KDM7A: variants seen among roughly 807,000 people sequenced by gnomAD.
KDM7A encodes the protein lysine demethylase 7A, also known as lysine-specific demethylase 7A.
KDM7A carries 28 observed loss-of-function variants against 114.8 expected under a neutral mutation model. The observed-to-expected ratio is 0.24, with a 90% CI of 0.18 to 0.33. KDM7A has a LOEUF of 0.33. Among genes scored for constraint, KDM7A ranks in the 10% least tolerant of loss-of-function variants. KDM7A has a pLI of 1.00. For synonymous variants in KDM7A, 423 were observed against 397.8 expected, an observed-to-expected ratio of 1.06 and a Z score of -0.75; for missense variants, 942 against 1,142.5, an observed-to-expected ratio of 0.82 and a Z score of 2.53.
intron 9 of KDM7A, among the ~76,000 whole-genome samples, chr7:140,117,593 C>T (rs549051090): frequency 3.3e-5 from 5 of 152,270 alleles, no homozygotes; most frequent in Admixed American, 1.3e-4. Flanking sequence ...AGTTGTCAAT[C>T]TCTTAACCAG....
intron 1 of KDM7A, among the ~76,000 whole-genome samples, chr7:140,166,729 A>C (rs1794580354): frequency 6.6e-6 from 1 of 152,148 alleles, no homozygotes; most frequent in African/African-American, 2.4e-5. Context: ...ATCAGGAACA[A>C]AGCAAGCATA....
intron 9 of KDM7A, among the ~76,000 whole-genome samples, chr7:140,118,863 T>C (rs1463832143): frequency 6.6e-6 from 1 of 152,220 alleles, no homozygotes; most frequent in Non-Finnish European, 1.5e-5. Context: ...ACATTTCTAA[T>C]ATTACCTACG....
At chr7:140,097,788 A>T in intron 14 of KDM7A, 146 bp from the exon 15 acceptor site, 1 of 544,468 alleles carries the variant, frequency 1.8e-6, no homozygotes, top group Admixed American at 3.4e-5. Context: ...TATTTTCTTC[A>T]TTTCTTTCTC....
intron 1 of KDM7A, among the ~76,000 whole-genome samples, chr7:140,169,618 C>G (rs930811995): frequency 5.3e-5 from 8 of 152,112 alleles, no homozygotes; most frequent in African/African-American, 1.7e-4. Flanking sequence ...CTCCGCCTCC[C>G]GGTTTCAAGC....
At chr7:140,142,779 C>T (rs866723946) in intron 1 of KDM7A, among the ~76,000 whole-genome samples, 25 of 152,056 alleles carry the variant, frequency 1.6e-4, no homozygotes, top group African/African-American at 6.0e-4. Context: ...GAAACTCAGG[C>T]ACATGTGCAC....
intron 7 of KDM7A, among the ~76,000 whole-genome samples, chr7:140,122,567 G>T (rs1370937315): frequency 2.6e-5 from 4 of 152,190 alleles, no homozygotes; most frequent in Non-Finnish European, 5.9e-5. Flanking sequence ...CCAGAGGCAA[G>T]GCTTTCAGCA....
At chr7:140,171,571 A>G (rs1018367012) in intron 1 of KDM7A, among the ~76,000 whole-genome samples, 1 of 51,808 alleles carries the variant, frequency 1.9e-5, no homozygotes, top group East Asian at 3.5e-4. Flanking sequence ...TTATATATTT[A>G]TATATATATA....
intron 7 of KDM7A, among the ~76,000 whole-genome samples, chr7:140,121,888 G>A (rs1188222843): frequency 1.3e-5 from 2 of 152,084 alleles, no homozygotes; most frequent in African/African-American, 2.4e-5. Context: ...AAACTGTACT[G>A]TAGTTTGGAA....
At chr7:140,165,703 T>C (rs1794566073) in intron 1 of KDM7A, among the ~76,000 whole-genome samples, 1 of 152,188 alleles carries the variant, frequency 6.6e-6, no homozygotes, top group South Asian at 2.1e-4. Flanking sequence ...TGTCGGGGTA[T>C]CAATGCTTGT....
intron 19 of KDM7A, 141 bp from the exon 20 acceptor site, chr7:140,091,329 C>T (rs553489570): frequency 4.7e-5 from 31 of 663,010 alleles, no homozygotes; most frequent in South Asian, 2.5e-4. Flanking sequence ...TCTGAACTTC[C>T]GCTGTTTAAA....
chr7:140,088,618 C>A lies in KDM7A; in HGVS notation c.*2476G>T. On this transcript the variant is annotated 3_prime_UTR_variant, in exon 20 of 20. Transcript: ENST00000397560. Reference sequence around the variant, plus strand: ...TGTTATAAGACGTTTGACCAGGAGTCACTGGATCAGTGGCCGAATTTTCAC... The same window carrying A: ...TGTTATAAGACGTTTGACCAGGAGTAACTGGATCAGTGGCCGAATTTTCAC... The A allele has an allele frequency of 5.0e-6, 2 of 397,298 alleles. No individual in the cohort carries two copies. The highest frequency in any genetic ancestry group is 2.6e-4 in the South Asian group (2 of 7,730). 24.6% of individuals were successfully genotyped at this position (397,298 alleles called of 1,614,324 possible).
At chr7:140,169,572 G>C (rs58525624) in intron 1 of KDM7A, among the ~76,000 whole-genome samples, 14,183 of 152,038 alleles carry the variant, frequency 0.093, 727 homozygotes, top group African/African-American at 0.13. Flanking sequence ...GTCGCCCACC[G>C]TGGAGTGCAG....
intron 10 of KDM7A, among the ~76,000 whole-genome samples, chr7:140,113,018 A>G (rs1319579519): frequency 6.6e-6 from 1 of 152,222 alleles, no homozygotes; most frequent in African/African-American, 2.4e-5. Context: ...CCAGAGATCT[A>G]AGTTTTAAGT....
At position 140,084,755 on chromosome 7, in the gene KDM7A, G is replaced by T. The variant is rs1817893499; in HGVS notation, c.*6339C>A. ...GGGAACAAAGTCAGAATTGGATATA[G>T]AATTCAGATTCTTTTTCTTTCAAGG... On this transcript the variant is annotated 3_prime_UTR_variant, in exon 20 of 20. Coordinates refer to ENST00000397560, the MANE Select transcript of KDM7A (RefSeq NM_030647.2). The T allele has an allele frequency of 1.3e-5, 2 of 152,140 alleles. No individual in the cohort carries two copies. The highest frequency in any genetic ancestry group is 2.4e-5 in the African/African-American group (1 of 41,414). The allele number at this position is 152,140 out of a possible 1,614,324, so 9.4% of individuals were successfully genotyped here.
At chr7:140,141,711 T>C (rs955316597) in intron 1 of KDM7A, among the ~76,000 whole-genome samples, 1 of 151,848 alleles carries the variant, frequency 6.6e-6, no homozygotes, top group Non-Finnish European at 1.5e-5. Context: ...CTGGCAAACA[T>C]GGCAAAACCC....
chr7:140,175,994 G>A (rs1199389038), intron 1 of KDM7A, among the ~76,000 whole-genome samples: 4 of 151,364 alleles, frequency 2.6e-5, no homozygotes, highest in Non-Finnish European at 5.9e-5. Context: ...CGACCCGGGT[G>A]TGTGCGGGGG....
At position 140,176,053 on chromosome 7, in the gene KDM7A, C is replaced by G. The variant is rs1161885795; in HGVS notation, c.194+691G>C. Among the ~76,000 whole-genome samples, 2 of 152,148 alleles carry G rather than the reference C, an allele frequency of 1.3e-5. No individual in the cohort carries two copies. The highest frequency in any genetic ancestry group is 1.3e-4 in the Admixed American group (2 of 15,300). On this transcript the variant is annotated intron_variant, in intron 1 of 19. Transcript: ENST00000397560. The surrounding 1 kb of genome is among the most constrained non-coding windows in gnomAD (Gnocchi z 4.4). ...CCTGCCGCCCGCCGGGGGCCCGGCC[C>G]CAACTTCCCCGGCACCTTTCAAGTC...
chr7:140,148,377 GTTTT>G lies in KDM7A; in HGVS notation c.195-9191_195-9188del, dbSNP rs1313909597. Among the ~76,000 whole-genome samples the G allele has an allele frequency of 8.0e-5, 12 of 149,758 alleles. No homozygotes were observed. The Admixed American group carries it at 8.1e-4, about 10-fold the overall frequency. ...TGACTTCGGGTAACTTACTTTACCT[GTTTT>G]TTGTTTTGTTTTGTTTTGTTTTTTG... On this transcript the variant is annotated intron_variant, in intron 1 of 19. Transcript: ENST00000397560.
intron 9 of KDM7A, among the ~76,000 whole-genome samples, chr7:140,117,411 G>A (rs1818548764): frequency 6.6e-6 from 1 of 151,830 alleles, no homozygotes; most frequent in Non-Finnish European, 1.5e-5. Context: ...TAAAGAATGA[G>A]CTTCTCTTAG....
Sources: gnomAD v4.1 joint callset for allele counts (sites outside exome capture counted in the v4.1 genomes callset) on GRCh38, gnomAD v4.1.1 for gene constraint, Gnocchi (gnomAD v3.1) non-coding constraint, MANE v1.5 for transcripts, NCBI Gene and HGNC (gene_info 2026-07-23, HGNC 2026-07-21) for gene names.